Variants in TCF12 observed in about 807,000 individuals in gnomAD.
The protein encoded by TCF12 is DNA-binding protein HTF4.
In TCF12, 45 loss-of-function variants were observed where a neutral mutation model predicts 86.0. The ratio of observed to expected loss-of-function variants is 0.52; its 90% CI spans 0.41 to 0.67. The LOEUF is 0.67. TCF12 is among the 30% of genes least tolerant of loss of function. The probability of loss-of-function intolerance (pLI) is 0.00; values close to 1 mark genes in which losing one functional copy is unlikely to be tolerated. For missense variants in TCF12, 881 were observed against 859.9 expected (o/e 1.02, Z -0.31); for synonymous variants, 330 against 299.6 (o/e 1.10, Z -1.05).
intron 5 of TCF12, among the ~76,000 whole-genome samples, chr15:57,102,233 A>G (rs745714328): frequency 7.2e-5 from 11 of 152,232 alleles, no homozygotes; most frequent in Non-Finnish European, 1.2e-4. Context: ...TACATTTGCC[A>G]GTCTTGCTCT....
chr15:57,107,583 A>G (rs1263835726), intron 5 of TCF12, among the ~76,000 whole-genome samples: 1 of 152,092 alleles, frequency 6.6e-6, no homozygotes, highest in Non-Finnish European at 1.5e-5. Flanking sequence ...GGGGATAATG[A>G]TGTGTCAATA....
intron 3 of TCF12, among the ~76,000 whole-genome samples, chr15:56,942,309 A>C (rs2060814095): frequency 6.6e-6 from 1 of 152,360 alleles, no homozygotes; most frequent in South Asian, 2.1e-4. Flanking sequence ...TTTTTGGTGA[A>C]GATACTGAAT....
intron 14 of TCF12, chr15:57,252,104 A>G: frequency 3.9e-6 from 1 of 255,378 alleles, no homozygotes; most frequent in Non-Finnish European, 7.5e-6. Context: ...ATGCTAAGTC[A>G]TGCTCTTATT....
chr15:57,006,465 C>T (rs1333418241), intron 3 of TCF12, among the ~76,000 whole-genome samples: 7 of 152,002 alleles, frequency 4.6e-5, no homozygotes, highest in Non-Finnish European at 1.0e-4. Flanking sequence ...CCACCACACC[C>T]AGCTAATTTT....
At chr15:56,997,182 A>G (rs2141014319) in intron 3 of TCF12, among the ~76,000 whole-genome samples, 1 of 152,348 alleles carries the variant, frequency 6.6e-6, no homozygotes, top group Admixed American at 6.5e-5. Context: ...CCGTATGTCC[A>G]TTCTAACACT....
At chr15:57,051,384 C>T (rs1365456242) in intron 3 of TCF12, among the ~76,000 whole-genome samples, 1 of 152,130 alleles carries the variant, frequency 6.6e-6, no homozygotes, top group African/African-American at 2.4e-5. Context: ...TTGAACCTTC[C>T]TCAGCTGTGG....
At chr15:56,919,816 C>G in intron 1 of TCF12, 76 bp from the exon 2 acceptor site, 1 of 1,345,210 alleles carries the variant, frequency 7.4e-7, no homozygotes, top group Non-Finnish European at 1.0e-6. Flanking sequence ...CGTAATCTTC[C>G]CCAGTACCTC....
At chr15:57,220,133 A>C (rs1353445300) in intron 8 of TCF12, among the ~76,000 whole-genome samples, 2 of 152,162 alleles carry the variant, frequency 1.3e-5, no homozygotes, top group Non-Finnish European at 2.9e-5. Context: ...TAGAAAATAA[A>C]CTTGAGTTTC....
At chr15:57,251,865 G>GT (rs1390971629) in intron 14 of TCF12, among the ~76,000 whole-genome samples, 1 of 152,028 alleles carries the variant, frequency 6.6e-6, no homozygotes, top group African/African-American at 2.4e-5. Flanking sequence ...GAATACCAGT[G>GT]TTTTTTGTCA....
At chr15:57,212,156 T>G (rs556296903) in intron 8 of TCF12, among the ~76,000 whole-genome samples, 46 of 152,328 alleles carry the variant, frequency 3.0e-4, no homozygotes, top group African/African-American at 1.1e-3. Flanking sequence ...AAATGGTAAT[T>G]AAACATCAGG....
At chr15:56,974,997 A>G (rs1173641714) in intron 3 of TCF12, among the ~76,000 whole-genome samples, 1 of 152,178 alleles carries the variant, frequency 6.6e-6, no homozygotes, top group Non-Finnish European at 1.5e-5. Flanking sequence ...TGAGTTTCGA[A>G]TAGTGGACCT....
At chr15:57,253,569 A>G (rs2060214773) in intron 16 of TCF12, 101 bp downstream of exon 16, 1 of 1,371,010 alleles carries the variant, frequency 7.3e-7, no homozygotes. Context: ...AAAGGAAGGC[A>G]AAGACTGACT....
chr15:57,016,153 C>T (rs1459326784), intron 3 of TCF12, among the ~76,000 whole-genome samples: 3 of 152,152 alleles, frequency 2.0e-5, no homozygotes, highest in Non-Finnish European at 4.4e-5. Flanking sequence ...ATTATGAAAT[C>T]AGTCCCTGAC....
At chr15:57,033,612 A>G (rs2066333220) in intron 3 of TCF12, among the ~76,000 whole-genome samples, 1 of 152,186 alleles carries the variant, frequency 6.6e-6, no homozygotes, top group Admixed American at 6.5e-5. Context: ...TCTAAGCTGT[A>G]GAAATGTTCT....
intron 3 of TCF12, among the ~76,000 whole-genome samples, chr15:57,054,979 A>T (rs1722489578): frequency 6.6e-6 from 1 of 151,904 alleles, no homozygotes. Context: ...TGTAACTCTT[A>T]GGAGAGAAAA....
chr15:57,263,044 A>ATTTG (rs2060661293), intron 17 of TCF12, 68 bp from the exon 18 acceptor site: 1 of 1,509,494 alleles, frequency 6.6e-7, no homozygotes, highest in African/African-American at 1.4e-5. Context: ...AAAGCTTTTT[A>ATTTG]TTGTCTTAGC....
intron 5 of TCF12, among the ~76,000 whole-genome samples, chr15:57,096,794 A>G (rs745413640): frequency 6.6e-6 from 1 of 152,188 alleles, no homozygotes; most frequent in Non-Finnish European, 1.5e-5. Context: ...GGCAGACTGT[A>G]TATATTGTTG....
At chr15:57,101,684 G>C in intron 5 of TCF12, among the ~76,000 whole-genome samples, 1 of 151,898 alleles carries the variant, frequency 6.6e-6, no homozygotes, top group East Asian at 1.9e-4. Flanking sequence ...TGTTTCTTTG[G>C]GTATTTCCAT....
chr15:57,184,934 T>TC, intron 6 of TCF12, among the ~76,000 whole-genome samples: 1 of 152,316 alleles, frequency 6.6e-6, no homozygotes, highest in East Asian at 1.9e-4. Context: ...GATCATTTTC[T>TC]CCCTTTTATC....
Sources: gnomAD v4.1 joint callset for allele counts (sites outside exome capture counted in the v4.1 genomes callset) on GRCh38, gnomAD v4.1.1 for gene constraint, MANE v1.5 for transcripts, NCBI Gene and HGNC (gene_info 2026-07-23, HGNC 2026-07-21) for gene names.